SMAD2: variants seen among roughly 807,000 people sequenced by gnomAD.
SMAD2 encodes SMAD family member 2.
SMAD2 carries 8 observed loss-of-function variants against 64.4 expected under a neutral mutation model. The observed-to-expected ratio is 0.12, with a 90% CI of 0.07 to 0.22. The LOEUF (loss-of-function observed/expected upper bound fraction) is 0.22, where lower values mean the gene tolerates loss of function less well. SMAD2 is among the 10% of genes least tolerant of loss of function. SMAD2 has a pLI of 1.00. For synonymous variants in SMAD2, 203 were observed against 195.8 expected, an observed-to-expected ratio of 1.04 and a Z score of -0.31; for missense variants, 289 against 561.2, an observed-to-expected ratio of 0.51 and a Z score of 4.90.
rs1415198156 is a variant in SMAD2 at position 47,822,685 on chromosome 18, T to C, written c.*19142A>G. The C allele has an allele frequency of 1.3e-5, 2 of 152,238 alleles. No homozygotes were observed. The highest frequency in any genetic ancestry group is 2.9e-5 in the Non-Finnish European group (2 of 68,038). The allele number at this position is 152,238 out of a possible 1,614,324, so 9.4% of individuals were successfully genotyped here. On this transcript the variant is annotated 3_prime_UTR_variant, in exon 11 of 11. Coordinates refer to ENST00000262160, the MANE Select transcript of SMAD2 (RefSeq NM_005901.6). ...TTGGAAACTATTTTGAGTATTCATT[T>C]GTTTTTGTTTTTGAGACGGAGTCTC...
rs1222630136 is a variant in SMAD2, at chr18:47,848,470, C to G, written c.997+5G>C. 6.3e-7 allele frequency: 1 copy of G among 1,598,310 alleles called. No individual in the cohort carries two copies. Among genetic ancestry groups the G allele is most frequent in the Non-Finnish European group, 8.6e-7 (1 of 1,165,576 alleles). On this transcript the variant is annotated splice_donor_5th_base_variant and intron_variant, in intron 8 of 10. Coordinates refer to ENST00000262160, the MANE Select transcript of SMAD2 (RefSeq NM_005901.6). ...ATTTTTCACAACAAGGAAAATAAAA[C>G]ATACCTATATGCCTTCTTGTCATTT... is the stretch of plus-strand genomic sequence containing the variant.
chr18:47,861,993 T>G (rs1353613339), intron 6 of SMAD2, among the ~76,000 whole-genome samples: 2 of 152,210 alleles, frequency 1.3e-5, no homozygotes, highest in East Asian at 1.9e-4. Context: ...CAAACTCAGA[T>G]AGTCTAGCTC....
intron 7 of SMAD2, among the ~76,000 whole-genome samples, chr18:47,850,278 T>TGTTA (rs1251601206): frequency 1.5e-5 from 1 of 66,686 alleles, no homozygotes; most frequent in African/African-American, 6.7e-5. Context: ...ATATTATATA[T>TGTTA]TATATATATT....
intron 6 of SMAD2, among the ~76,000 whole-genome samples, chr18:47,857,366 T>A (rs113817752): frequency 1.4e-4 from 21 of 152,302 alleles, no homozygotes; most frequent in African/African-American, 4.8e-4. Flanking sequence ...CCCAGTGCGA[T>A]AGCATCTTAG....
chr18:47,868,818 A>G (rs940332824), intron 4 of SMAD2, among the ~76,000 whole-genome samples: 5 of 152,212 alleles, frequency 3.3e-5, no homozygotes, highest in African/African-American at 1.2e-4. Flanking sequence ...ATATTTTTTA[A>G]TAGTTTCAGG....
At chr18:47,845,236 A>T (rs1914381305) in intron 10 of SMAD2, 104 bp downstream of exon 10, 1 of 1,187,556 alleles carries the variant, frequency 8.4e-7, no homozygotes, top group African/African-American at 1.5e-5. Flanking sequence ...AGCTGACTCT[A>T]TAACCTCATT....
intron 6 of SMAD2, among the ~76,000 whole-genome samples, chr18:47,863,133 T>C (rs2031309827): frequency 6.6e-6 from 1 of 152,232 alleles, no homozygotes; most frequent in Admixed American, 6.5e-5. Flanking sequence ...ATGTCCTTCC[T>C]TCTGGAAGGT....
At position 47,809,961 on chromosome 18, in the gene SMAD2, C is replaced by G. The variant is rs570886221; in HGVS notation, c.*31866G>C. 3.3e-5 allele frequency: 5 copies of G among 152,242 alleles called. No homozygotes were observed. The highest frequency in any genetic ancestry group is 9.6e-5 in the African/African-American group (4 of 41,542). 9.4% of individuals were successfully genotyped at this position (152,242 alleles called of 1,614,324 possible). On this transcript the variant is annotated 3_prime_UTR_variant, in exon 11 of 11. Coordinates refer to ENST00000262160, the MANE Select transcript of SMAD2 (RefSeq NM_005901.6). ...TTTAAATGCACAATAGACTTCTAGC[C>G]CATTTGCCAAAAGCCATCCCAAAGA...
chr18:47,885,431 G>A (rs961122061), intron 2 of SMAD2, among the ~76,000 whole-genome samples: 1 of 152,060 alleles, frequency 6.6e-6, no homozygotes, highest in African/African-American at 2.4e-5. Flanking sequence ...GCCTCCCAAA[G>A]TGCTGGGATT....
At chr18:47,845,246 T>C (rs764259090) in intron 10 of SMAD2, 94 bp downstream of exon 10, 1 of 1,284,540 alleles carries the variant, frequency 7.8e-7, no homozygotes, top group Admixed American at 1.7e-5. Flanking sequence ...ATAACCTCAT[T>C]GAAAATAGAT....
At chr18:47,851,159 C>G in intron 7 of SMAD2, 115 bp downstream of exon 7, 1 of 735,552 alleles carries the variant, frequency 1.4e-6, no homozygotes, top group Non-Finnish European at 2.4e-6. Flanking sequence ...AATTATTTGG[C>G]TATTCATTAG....
intron 1 of SMAD2, among the ~76,000 whole-genome samples, chr18:47,927,197 G>A (rs1424467279): frequency 6.6e-6 from 1 of 152,184 alleles, no homozygotes; most frequent in Non-Finnish European, 1.5e-5. Context: ...CTCTACAAGT[G>A]TACATCTGTT....
At chr18:47,863,567 T>A (rs2031346528) in intron 6 of SMAD2, among the ~76,000 whole-genome samples, 1 of 152,210 alleles carries the variant, frequency 6.6e-6, no homozygotes, top group Non-Finnish European at 1.5e-5. Flanking sequence ...TTTTTCTGGC[T>A]TATTTCACTT....
intron 2 of SMAD2, among the ~76,000 whole-genome samples, chr18:47,889,980 T>G (rs1268940066): frequency 6.6e-6 from 1 of 152,168 alleles, no homozygotes; most frequent in Non-Finnish European, 1.5e-5. Context: ...ATTTCAGTAA[T>G]TTTTATAAAG....
chr18:47,855,402 G>A (rs572034745), intron 6 of SMAD2, among the ~76,000 whole-genome samples: 1 of 152,112 alleles, frequency 6.6e-6, no homozygotes, highest in Non-Finnish European at 1.5e-5. Context: ...AAACCATATG[G>A]TAAGAATATA....
rs925616646 is a variant in SMAD2, at chr18:47,836,624, T to C, written c.*5203A>G. 4.7e-6 allele frequency: 1 copy of C among 213,948 alleles called. No homozygotes were observed. Among genetic ancestry groups the C allele is most frequent in the Non-Finnish European group, 9.4e-6 (1 of 106,040 alleles). 13.3% of individuals were successfully genotyped at this position (213,948 alleles called of 1,614,324 possible). A position where few individuals can be genotyped will look rare whatever the true frequency, so the allele number is the denominator to read the frequency against. ...CTATGAGTGTATATGTATATATAAA[T>C]TCATACACATATATTATTTATTTCC... On this transcript the variant is annotated 3_prime_UTR_variant, in exon 11 of 11. Transcript: ENST00000262160.
intron 1 of SMAD2, among the ~76,000 whole-genome samples, chr18:47,916,900 C>T (rs2034359675): frequency 6.6e-6 from 1 of 152,186 alleles, no homozygotes; most frequent in South Asian, 2.1e-4. Flanking sequence ...ATTTCCAATA[C>T]ATTTGTACAT....
At chr18:47,922,137 G>C (rs933970600) in intron 1 of SMAD2, among the ~76,000 whole-genome samples, 1 of 152,200 alleles carries the variant, frequency 6.6e-6, no homozygotes. Flanking sequence ...AAAAGGTATG[G>C]AGGGAAGAGA....
chr18:47,810,665 T>C lies in SMAD2; in HGVS notation c.*31162A>G. The C allele has an allele frequency of 6.6e-6, 1 of 152,182 alleles. No homozygotes were observed. The highest frequency in any genetic ancestry group is 3.2e-3 in the Middle Eastern group (1 of 316). The allele number at this position is 152,182 out of a possible 1,614,324, so 9.4% of individuals were successfully genotyped here. ...AAATATAAATAAAGCCCAGGCATGGTGGCTCATGCCTGTAATCCCAACACG... is the reference window on the plus strand; with the variant it reads ...AAATATAAATAAAGCCCAGGCATGGCGGCTCATGCCTGTAATCCCAACACG... On this transcript the variant is annotated 3_prime_UTR_variant, in exon 11 of 11. Transcript: ENST00000262160.
Sources: allele counts gnomAD v4.1 joint callset (sites outside exome capture counted in the v4.1 genomes callset), GRCh38; gene constraint gnomAD v4.1.1; transcripts MANE v1.5; gene names NCBI Gene and HGNC (gene_info 2026-07-23, HGNC 2026-07-21).